Variants in TENM2 observed in about 807,000 individuals in gnomAD.
TENM2 encodes the protein teneurin-2.
TENM2 carries 52 observed loss-of-function variants against 245.2 expected under a neutral mutation model. The observed-to-expected ratio is 0.21, with a 90% CI of 0.17 to 0.27. The LOEUF (loss-of-function observed/expected upper bound fraction) is 0.27. TENM2 is among the 10% of genes least tolerant of loss of function. TENM2 has a pLI of 1.00. For synonymous variants in TENM2, 1,363 were observed against 1,438.9 expected (o/e 0.95, Z 1.19); for missense variants, 3,046 against 3,666.8 (o/e 0.83, Z 4.37).
chr5:167,452,174 T>C (rs895116835), intron 2 of TENM2, among the ~76,000 whole-genome samples: 10 of 152,234 alleles, frequency 6.6e-5, no homozygotes, highest in African/African-American at 2.4e-4. Flanking sequence ...GCTATGTACT[T>C]GCTTCTGGCT....
intron 4 of TENM2, among the ~76,000 whole-genome samples, chr5:167,961,840 G>T (rs1389378801): frequency 2.0e-5 from 3 of 152,194 alleles, no homozygotes; most frequent in Non-Finnish European, 2.9e-5. Flanking sequence ...TAAGGTGGTG[G>T]AATGTCTGAT....
At chr5:167,755,265 T>G (rs534699743) in intron 2 of TENM2, 24 of 1,191,952 alleles carry the variant, frequency 2.0e-5, no homozygotes, top group Non-Finnish European at 1.2e-6. Context: ...AGTTGGAGTA[T>G]TTACTTTAAC....
intron 2 of TENM2, among the ~76,000 whole-genome samples, chr5:167,783,463 C>G (rs778167891): frequency 3.3e-5 from 5 of 152,132 alleles, no homozygotes; most frequent in Non-Finnish European, 5.9e-5. Flanking sequence ...GGTTTCTGAA[C>G]CCCAGTTTAA....
intron 3 of TENM2, among the ~76,000 whole-genome samples, chr5:167,897,273 C>A (rs1775296147): frequency 1.4e-5 from 2 of 139,676 alleles, no homozygotes; most frequent in African/African-American, 5.2e-5. Context: ...TCATTTGTGC[C>A]ATTAGCTGAA....
chr5:167,031,472 C>T, the TENM2 span, among the ~76,000 whole-genome samples: 1 of 152,156 alleles, frequency 6.6e-6, no homozygotes, highest in Non-Finnish European at 1.5e-5. Flanking sequence ...ACTTCATGGA[C>T]GTACATAATT....
chr5:167,438,677 A>G (rs1034171328), intron 2 of TENM2, among the ~76,000 whole-genome samples: 17 of 152,324 alleles, frequency 1.1e-4, no homozygotes, highest in Admixed American at 3.9e-4. Context: ...GATTATAGGC[A>G]TGAGCCACCG....
In TENM2 at chr5:168,218,812, G is replaced by T. The variant is rs769731092; in HGVS notation, c.4921G>T (p.Asp1641Tyr). The change falls in exon 23 of 29, where the codon GAC becomes TAC. Residue 1641 changes from aspartate (D) to tyrosine (Y), a missense_variant. This residue lies in a region of TENM2 where 2,704 missense variants were observed against 3,331.9 expected (regional missense o/e 0.81). Transcript: ENST00000518659. The surrounding 1 kb of genome is among the most constrained non-coding windows in gnomAD (Gnocchi z 5.2). ...TGGGAATTCCCTGAAGATCCGTCGG[G>T]ACAGCAGTGGCATGCCCCGTCACCT... The T allele has an allele frequency of 6.2e-7, 1 of 1,613,970 alleles. No homozygotes were observed. The highest frequency in any genetic ancestry group is 1.1e-5 in the South Asian group (1 of 91,074).
At chr5:168,057,653 C>T (rs912352916) in intron 6 of TENM2, among the ~76,000 whole-genome samples, 5 of 152,012 alleles carry the variant, frequency 3.3e-5, no homozygotes, top group South Asian at 2.1e-4. Context: ...TCACACCTCT[C>T]CCAGTTTGTT....
intron 2 of TENM2, among the ~76,000 whole-genome samples, chr5:167,432,131 C>T (rs529284929): frequency 9.2e-5 from 14 of 151,390 alleles, no homozygotes; most frequent in African/African-American, 2.7e-4. Flanking sequence ...GTCAATTACT[C>T]ACTTGCCACC....
At chr5:167,053,099 T>G in the TENM2 span, among the ~76,000 whole-genome samples, 1 of 152,212 alleles carries the variant, frequency 6.6e-6, no homozygotes, top group South Asian at 2.1e-4. Flanking sequence ...AGTGGAATTC[T>G]CCTTCTCCTC....
At chr5:168,144,872 C>T (rs1422615676) in intron 12 of TENM2, among the ~76,000 whole-genome samples, 1 of 150,612 alleles carries the variant, frequency 6.6e-6, no homozygotes, top group Non-Finnish European at 1.5e-5. Context: ...GATTGCCATT[C>T]TAACTGGTGT....
intron 2 of TENM2, among the ~76,000 whole-genome samples, chr5:167,642,525 T>G (rs538376715): frequency 2.2e-4 from 34 of 151,798 alleles, no homozygotes; most frequent in Admixed American, 5.3e-4. Flanking sequence ...ATACATTTGT[T>G]TTTTTATACA....
At chr5:168,084,877 C>T (rs1490949028) in intron 7 of TENM2, among the ~76,000 whole-genome samples, 1 of 152,208 alleles carries the variant, frequency 6.6e-6, no homozygotes, top group Non-Finnish European at 1.5e-5. Flanking sequence ...CCAGGTCTGA[C>T]CCTAGCACTG....
chr5:167,302,972 T>C (rs1755436597), intron 1 of TENM2, among the ~76,000 whole-genome samples: 1 of 152,126 alleles, frequency 6.6e-6, no homozygotes, highest in African/African-American at 2.4e-5. Flanking sequence ...GGTCCATGGA[T>C]AAAACGTGTC....
the TENM2 span, among the ~76,000 whole-genome samples, chr5:167,038,447 A>G: frequency 6.6e-6 from 1 of 152,198 alleles, no homozygotes; most frequent in Non-Finnish European, 1.5e-5. Context: ...GGCTTGAAGC[A>G]GGGTTGAGGG....
chr5:167,738,684 A>T (rs748398178), intron 2 of TENM2, among the ~76,000 whole-genome samples: 5 of 152,202 alleles, frequency 3.3e-5, no homozygotes, highest in Non-Finnish European at 7.3e-5. Context: ...GAAGTCCAAG[A>T]TCGAGGTGTC....
intron 3 of TENM2, among the ~76,000 whole-genome samples, chr5:167,909,408 A>G (rs1190389382): frequency 1.3e-5 from 2 of 152,214 alleles, no homozygotes; most frequent in East Asian, 1.9e-4. Flanking sequence ...CAACCTGTGC[A>G]TGTACCCCCT....
the TENM2 span, among the ~76,000 whole-genome samples, chr5:167,054,265 G>A: frequency 6.6e-6 from 1 of 152,124 alleles, no homozygotes; most frequent in Non-Finnish European, 1.5e-5. Context: ...TTTCTTCAGC[G>A]TTGTATAGTT....
At chr5:168,221,039 G>A (rs1318396993) in intron 23 of TENM2, among the ~76,000 whole-genome samples, 2 of 151,950 alleles carry the variant, frequency 1.3e-5, no homozygotes, top group Non-Finnish European at 2.9e-5. Context: ...TTGAACTCAG[G>A]AGGTGGAGGT....
Sources: allele counts gnomAD v4.1 joint callset (sites outside exome capture counted in the v4.1 genomes callset), GRCh38; gene constraint gnomAD v4.1.1; regional missense constraint gnomAD v4.1.1; non-coding constraint Gnocchi (gnomAD v3.1); transcripts MANE v1.5; gene names NCBI Gene and HGNC (gene_info 2026-07-23, HGNC 2026-07-21).